The following KCNH8 variants were observed in gnomAD, a reference collection of about 807,000 sequenced individuals.
The protein encoded by KCNH8 is potassium voltage-gated channel subfamily H member 8.
In KCNH8, 70 loss-of-function variants were observed where a neutral mutation model predicts 103.6. The observed-to-expected ratio is 0.68, with a 90% CI of 0.56 to 0.82. KCNH8 has a LOEUF of 0.82. Among genes scored for constraint, KCNH8 ranks in the 40% least tolerant of loss-of-function variants. The pLI, the probability that KCNH8 is intolerant of heterozygous loss-of-function variation, is 0.00. For synonymous variants in KCNH8, 498 were observed against 489.4 expected (o/e 1.02, Z -0.23); for missense variants, 1,217 against 1,329.9 (o/e 0.92, Z 1.32).
intron 1 of KCNH8, among the ~76,000 whole-genome samples, chr3:19,200,520 T>G (rs1356483686): frequency 6.6e-6 from 1 of 152,058 alleles, no homozygotes; most frequent in East Asian, 1.9e-4. Flanking sequence ...CCTTTTTTTT[T>G]TTTCCTGGAA....
Position 19,234,310 on chromosome 3 carries a change from T to C in KCNH8, c.77-19344T>C, listed in dbSNP as rs563697337. The stretch of plus-strand genomic sequence containing the variant: ...CACTCCTCAGGCCTTGGGTGGTCCA[T>C]GGGACTGGGCGCCGTTGAGCAGGGG... On this transcript the variant is annotated intron_variant, in intron 1 of 15. Transcript: ENST00000328405. Among the ~76,000 whole-genome samples, 3 of 152,232 alleles carry C rather than the reference T, an allele frequency of 2.0e-5. No individual in the cohort carries two copies. The South Asian group carries it at 6.2e-4, about 32-fold the overall frequency.
chr3:19,250,392 A>G (rs1231064281), intron 1 of KCNH8, among the ~76,000 whole-genome samples: 3 of 152,232 alleles, frequency 2.0e-5, no homozygotes, highest in East Asian at 1.9e-4. Context: ...GTATTTTTCT[A>G]TTACACTTAA....
At chr3:19,326,468 G>GTGTCTC (rs1182191539) in intron 3 of KCNH8, among the ~76,000 whole-genome samples, 6 of 151,300 alleles carry the variant, frequency 4.0e-5, no homozygotes, top group African/African-American at 1.5e-4. Context: ...AAATCATGAA[G>GTGTCTC]TGTCTCTGGT....
At chr3:19,400,332 T>C (rs1259242337) in intron 7 of KCNH8, among the ~76,000 whole-genome samples, 1 of 144,374 alleles carries the variant, frequency 6.9e-6, no homozygotes, top group East Asian at 2.1e-4. Flanking sequence ...CTGTAACAAA[T>C]CTGTGTTCCT....
At chr3:19,215,827 T>C (rs2063812985) in intron 1 of KCNH8, among the ~76,000 whole-genome samples, 1 of 152,254 alleles carries the variant, frequency 6.6e-6, no homozygotes, top group Admixed American at 6.5e-5. Context: ...GATTACACTC[T>C]CTTCGGCATA....
At chr3:19,258,949 AT>A (rs2064388760) in intron 2 of KCNH8, among the ~76,000 whole-genome samples, 1 of 45,874 alleles carries the variant, frequency 2.2e-5, no homozygotes, top group Non-Finnish European at 4.5e-5. Context: ...CTCTCTCTCT[AT>A]ATATATATAT....
intron 7 of KCNH8, among the ~76,000 whole-genome samples, chr3:19,401,286 T>G (rs1167212079): frequency 6.6e-6 from 1 of 151,974 alleles, no homozygotes; most frequent in African/African-American, 2.4e-5. Flanking sequence ...AAGTTAATAC[T>G]CCCAGTTGTA....
At chr3:19,433,070 A>G (rs1016792957) in intron 7 of KCNH8, among the ~76,000 whole-genome samples, 3 of 152,134 alleles carry the variant, frequency 2.0e-5, no homozygotes, top group African/African-American at 7.2e-5. Flanking sequence ...ATACTGTACA[A>G]TCTTTCAATT....
intron 11 of KCNH8, among the ~76,000 whole-genome samples, chr3:19,499,141 A>C (rs1181508928): frequency 6.6e-6 from 1 of 152,236 alleles, no homozygotes; most frequent in Non-Finnish European, 1.5e-5. Context: ...TACGTGAGGA[A>C]TGCAGAAGCC....
At chr3:19,400,479 A>G (rs184523940) in intron 7 of KCNH8, among the ~76,000 whole-genome samples, 5 of 151,992 alleles carry the variant, frequency 3.3e-5, no homozygotes, top group African/African-American at 1.2e-4. Context: ...CTCTAAGACA[A>G]TGACAATCTG....
intron 1 of KCNH8, among the ~76,000 whole-genome samples, chr3:19,205,052 T>C (rs1009708966): frequency 6.6e-6 from 1 of 151,924 alleles, no homozygotes. Flanking sequence ...GTTTATGCTG[T>C]CTATTCGCTC....
At chr3:19,270,838 C>G (rs1341068264) in intron 2 of KCNH8, among the ~76,000 whole-genome samples, 2 of 152,056 alleles carry the variant, frequency 1.3e-5, no homozygotes, top group Non-Finnish European at 2.9e-5. Context: ...GTCATGAGAT[C>G]CTTAACCATT....
intron 3 of KCNH8, among the ~76,000 whole-genome samples, chr3:19,307,744 ATGGCAACGTG>A (rs1403696913): frequency 5.9e-5 from 9 of 152,014 alleles, no homozygotes; most frequent in Non-Finnish European, 1.3e-4. Context: ...CCCGTCATTC[ATGGCAACGTG>A]GTTGGAACTG....
Position 19,480,521 on chromosome 3 carries a change from G to A in KCNH8, c.2040+23539G>A, listed in dbSNP as rs1367413848. 2.0e-5 allele frequency among the ~76,000 whole-genome samples: 3 copies of A among 152,304 alleles called. No homozygotes were observed. In the East Asian group the frequency reaches 5.8e-4, roughly 29 times the overall value. ...GAACTTTTACCATTGAGGAATTTAA[G>A]AATTTAAGGCAATTATAGGTTGAAT... On this transcript the variant is annotated intron_variant, in intron 11 of 15. Coordinates refer to ENST00000328405, the MANE Select transcript of KCNH8 (RefSeq NM_144633.3).
At position 19,305,342 on chromosome 3, in the gene KCNH8, T is replaced by C. The variant is rs146167859; in HGVS notation, c.442+24013T>C. On this transcript the variant is annotated intron_variant, in intron 3 of 15. Coordinates refer to ENST00000328405, the MANE Select transcript of KCNH8 (RefSeq NM_144633.3). ...TCCCTTTCATGTACCTTGTATTAGG[T>C]ATCTACTAGAAGATGTGGTGCATCA... is the stretch of plus-strand genomic sequence containing the variant. Among the ~76,000 whole-genome samples, 288 of 152,258 alleles carry C rather than the reference T, an allele frequency of 1.9e-3. 5 individuals are homozygous for C. Among genetic ancestry groups the C allele is most frequent in the African/African-American group, 6.7e-3 (277 of 41,558 alleles).
intron 3 of KCNH8, among the ~76,000 whole-genome samples, chr3:19,312,642 T>C (rs2125298044): frequency 6.6e-6 from 1 of 152,052 alleles, no homozygotes; most frequent in Non-Finnish European, 1.5e-5. Context: ...TTATTCTAAA[T>C]AAAATCTAGA....
chr3:19,399,382 G>C (rs1352944495), intron 7 of KCNH8, among the ~76,000 whole-genome samples: 1 of 151,846 alleles, frequency 6.6e-6, no homozygotes, highest in Non-Finnish European at 1.5e-5. Flanking sequence ...TATTATTTTA[G>C]CTACTATCAC....
intron 3 of KCNH8, among the ~76,000 whole-genome samples, chr3:19,328,930 C>T (rs1039704054): frequency 3.9e-5 from 6 of 152,026 alleles, no homozygotes; most frequent in African/African-American, 1.4e-4. Context: ...TAAATACTGT[C>T]AGAAATATGT....
chr3:19,197,776 T>G (rs1335974377), intron 1 of KCNH8, among the ~76,000 whole-genome samples: 1 of 152,134 alleles, frequency 6.6e-6, no homozygotes. Context: ...TGCTTCAAAG[T>G]TGTATAAAAT....
Sources: allele counts gnomAD v4.1 joint callset (sites outside exome capture counted in the v4.1 genomes callset), GRCh38; gene constraint gnomAD v4.1.1; transcripts MANE v1.5; gene names NCBI Gene and HGNC (gene_info 2026-07-23, HGNC 2026-07-21).